The following SCD5 variants were observed in gnomAD, a reference collection of about 807,000 sequenced individuals.
SCD5 encodes stearoyl-CoA desaturase 5.
In SCD5, 20 loss-of-function variants were observed where a neutral mutation model predicts 30.4. The observed-to-expected ratio is 0.66, with a 90% CI of 0.46 to 0.96. The LOEUF (loss-of-function observed/expected upper bound fraction) is 0.96, where lower values mean the gene tolerates loss of function less well. SCD5 is among the 40% of genes least tolerant of loss of function. The probability of loss-of-function intolerance (pLI) is 0.00; values close to 1 mark genes in which losing one functional copy is unlikely to be tolerated. For synonymous variants in SCD5, 173 were observed against 176.4 expected (o/e 0.98, Z 0.16); for missense variants, 381 against 443.3 (o/e 0.86, Z 1.26).
At chr4:82,711,131 C>T (rs575927888) in intron 1 of SCD5, among the ~76,000 whole-genome samples, 3 of 152,160 alleles carry the variant, frequency 2.0e-5, no homozygotes, top group East Asian at 3.9e-4. Flanking sequence ...CAGTAAGCAC[C>T]GGCACATATT....
intron 1 of SCD5, among the ~76,000 whole-genome samples, chr4:82,795,843 A>T (rs1004225531): frequency 7.6e-5 from 11 of 144,080 alleles, no homozygotes; most frequent in Non-Finnish European, 1.5e-4. Context: ...AAAGCAGCAG[A>T]GGCAGTAGCT....
chr4:82,761,610 AG>A, intron 1 of SCD5, among the ~76,000 whole-genome samples: 1 of 151,834 alleles, frequency 6.6e-6, no homozygotes, highest in African/African-American at 2.4e-5. Context: ...TTTAAGTTTT[AG>A]GGTACATGTG....
At chr4:82,741,456 CAACA>C (rs1387796906) in intron 1 of SCD5, among the ~76,000 whole-genome samples, 4 of 152,148 alleles carry the variant, frequency 2.6e-5, no homozygotes, top group Non-Finnish European at 2.9e-5. Flanking sequence ...GGCGCCCAAC[CAACA>C]GTCAGTGCCA....
intron 2 of SCD5, among the ~76,000 whole-genome samples, chr4:82,681,844 T>A (rs2148821692): frequency 6.6e-6 from 1 of 152,318 alleles, no homozygotes; most frequent in South Asian, 2.1e-4. Flanking sequence ...GGGGCAGTCC[T>A]GAGTAGGAAT....
At chr4:82,756,707 T>A (rs1721242069) in intron 1 of SCD5, among the ~76,000 whole-genome samples, 1 of 125,318 alleles carries the variant, frequency 8.0e-6, no homozygotes, top group Non-Finnish European at 1.6e-5. Context: ...AAGTTCAAAG[T>A]CCTCTCCATT....
intron 1 of SCD5, among the ~76,000 whole-genome samples, chr4:82,714,600 G>T (rs149737843): frequency 6.6e-6 from 1 of 152,100 alleles, no homozygotes; most frequent in Non-Finnish European, 1.5e-5. Context: ...AGGGCAGGGG[G>T]CTGTGGGGGT....
At chr4:82,798,132 G>A (rs1722269092) in intron 1 of SCD5, among the ~76,000 whole-genome samples, 174 bp downstream of exon 1, 1 of 150,220 alleles carries the variant, frequency 6.7e-6, no homozygotes, top group South Asian at 2.1e-4. Context: ...ACACCTGCCC[G>A]TCCCAAGGGA....
intron 2 of SCD5, among the ~76,000 whole-genome samples, chr4:82,701,417 T>A (rs1206021017): frequency 6.6e-6 from 1 of 152,166 alleles, no homozygotes; most frequent in Non-Finnish European, 1.5e-5. Flanking sequence ...AATTGGTAAC[T>A]TGGTAGATAT....
At chr4:82,709,722 G>C (rs150496510) in intron 1 of SCD5, among the ~76,000 whole-genome samples, 61 of 152,288 alleles carry the variant, frequency 4.0e-4, no homozygotes, top group African/African-American at 1.5e-3. Context: ...TTACCCAAAA[G>C]AATTGAGAGC....
chr4:82,630,073 G>A lies in SCD5; in HGVS notation c.*1254C>T, dbSNP rs1727254280. On this transcript the variant is annotated 3_prime_UTR_variant, in exon 5 of 5. Coordinates refer to ENST00000319540, the MANE Select transcript of SCD5 (RefSeq NM_001037582.3). ...ATTAGGTGCTTAAACATTTAAACGAGAGCTTAATTTGAGCTTAATTTGATG... is the reference window on the plus strand; with the variant it reads ...ATTAGGTGCTTAAACATTTAAACGAAAGCTTAATTTGAGCTTAATTTGATG... The A allele has an allele frequency of 6.6e-6, 1 of 152,154 alleles. No individual in the cohort carries two copies. The allele number at this position is 152,154 out of a possible 1,614,324, so 9.4% of individuals were successfully genotyped here. A position where few individuals can be genotyped will look rare whatever the true frequency, so the allele number is the denominator to read the frequency against.
At chr4:82,702,130 CTTTTTTTTTTTTTTT>C (rs10701664) in intron 2 of SCD5, among the ~76,000 whole-genome samples, 18 of 64,120 alleles carry the variant, frequency 2.8e-4, no homozygotes, top group Admixed American at 8.8e-4. Context: ...CCATCATCAT[CTTTTTTTTTTTTTTT>C]TTTTTTTTTT....
intron 1 of SCD5, among the ~76,000 whole-genome samples, chr4:82,712,428 T>C (rs554456714): frequency 2.8e-4 from 41 of 148,974 alleles, no homozygotes; most frequent in Non-Finnish European, 5.5e-4. Flanking sequence ...AGCCATTCTC[T>C]TGCCCCAGCC....
intron 3 of SCD5, among the ~76,000 whole-genome samples, chr4:82,650,608 T>A (rs1727731777): frequency 2.0e-5 from 3 of 151,736 alleles, no homozygotes; most frequent in Admixed American, 1.3e-4. Flanking sequence ...AGGCAGGAGA[T>A]CACCCGAGCC....
intron 1 of SCD5, among the ~76,000 whole-genome samples, chr4:82,768,644 G>A (rs554695955): frequency 1.6e-4 from 24 of 152,302 alleles, no homozygotes; most frequent in African/African-American, 5.5e-4. Flanking sequence ...TTAGTGTCCT[G>A]GTTCTGGAAA....
In SCD5 at chr4:82,649,946, C is replaced by T. The variant is rs560522979; in HGVS notation, c.570-13123G>A. Among the ~76,000 whole-genome samples, 3 of 152,334 alleles carry T rather than the reference C, an allele frequency of 2.0e-5. No homozygotes were observed. The South Asian group carries it at 6.2e-4, about 32-fold the overall frequency. ...AATGGACAGTGTGCTCACAGAGCTT[C>T]CCTGCCTCATCCCGGGAGACAGAAC... On this transcript the variant is annotated intron_variant, in intron 3 of 4. Transcript: ENST00000319540.
At chr4:82,767,482 T>C (rs1721517720) in intron 1 of SCD5, among the ~76,000 whole-genome samples, 1 of 152,144 alleles carries the variant, frequency 6.6e-6, no homozygotes, top group Admixed American at 6.5e-5. Flanking sequence ...CTTGTTTGCA[T>C]CTCCTTTCTT....
chr4:82,697,938 G>T, intron 2 of SCD5: 1 of 450,960 alleles, frequency 2.2e-6, no homozygotes, highest in Non-Finnish European at 4.5e-6. Flanking sequence ...CTTTTCTCAT[G>T]ACTTCCAAAT....
At chr4:82,696,384 T>C (rs1719695881) in intron 2 of SCD5, among the ~76,000 whole-genome samples, 1 of 152,196 alleles carries the variant, frequency 6.6e-6, no homozygotes. Context: ...GCCTGGACTT[T>C]GATAAACAAG....
intron 1 of SCD5, among the ~76,000 whole-genome samples, chr4:82,722,942 T>C (rs1444634863): frequency 6.6e-6 from 1 of 151,592 alleles, no homozygotes; most frequent in Admixed American, 6.6e-5. Context: ...CCGGGCATAG[T>C]GGCAGGTGCC....
Sources: allele counts gnomAD v4.1 joint callset (sites outside exome capture counted in the v4.1 genomes callset), GRCh38; gene constraint gnomAD v4.1.1; transcripts MANE v1.5; gene names NCBI Gene and HGNC (gene_info 2026-07-23, HGNC 2026-07-21).